Variants in GALK2 observed in about 807,000 individuals in gnomAD.
The protein encoded by GALK2 is N-acetylgalactosamine kinase.
A neutral mutation model predicts 52.4 loss-of-function variants in GALK2; 36 were observed. That is an observed-to-expected ratio of 0.69 (90% CI 0.53 to 0.91). The LOEUF is 0.91. Among genes scored for constraint, GALK2 ranks in the 40% least tolerant of loss-of-function variants. The pLI is 0.00. For missense variants in GALK2, 579 were observed against 559.1 expected, an observed-to-expected ratio of 1.04 and a Z score of -0.36; for synonymous variants, 176 against 199.1, an observed-to-expected ratio of 0.88 and a Z score of 0.98.
In GALK2 at chr15:49,331,030, C is replaced by A. The variant is rs1209776610; in HGVS notation, c.*2871C>A. 6.6e-6 allele frequency: 1 copy of A among 152,162 alleles called. No homozygotes were observed. The highest frequency in any genetic ancestry group is 1.9e-4 in the East Asian group (1 of 5,192). 9.4% of individuals were successfully genotyped at this position (152,162 alleles called of 1,614,324 possible). A position where few individuals can be genotyped will look rare whatever the true frequency, so the allele number is the denominator to read the frequency against. ...GTCCTGTTTGTATATTATACAACAC[C>A]CAGGTGTTTCACTCTTTCTATCACT... On this transcript the variant is annotated 3_prime_UTR_variant, in exon 10 of 10. Transcript: ENST00000560031.
intron 2 of GALK2, among the ~76,000 whole-genome samples, chr15:49,208,989 G>A (rs2088569035): frequency 6.6e-6 from 1 of 152,048 alleles, no homozygotes; most frequent in Non-Finnish European, 1.5e-5. Flanking sequence ...GCTCGCTTTG[G>A]TGTCCATTTG....
At chr15:49,212,217 C>T (rs938019599) in intron 2 of GALK2, among the ~76,000 whole-genome samples, 11 of 152,048 alleles carry the variant, frequency 7.2e-5, no homozygotes, top group South Asian at 2.1e-4. Flanking sequence ...CTCAGCCTCC[C>T]GAGTAGCTGG....
chr15:49,250,673 A>C (rs576654842), intron 5 of GALK2, among the ~76,000 whole-genome samples: 1 of 152,184 alleles, frequency 6.6e-6, no homozygotes, highest in African/African-American at 2.4e-5. Context: ...GTCTGATATA[A>C]TCAGTATCAT....
At chr15:49,350,950 C>G (rs1046467755) in intron 3 of GALK2, among the ~76,000 whole-genome samples, 3 of 152,292 alleles carry the variant, frequency 2.0e-5, no homozygotes, top group African/African-American at 7.2e-5. Flanking sequence ...CCCTTAAAAG[C>G]ACGTTGTTAA....
chr15:49,249,955 G>C (rs2091516886), intron 5 of GALK2, among the ~76,000 whole-genome samples: 1 of 152,112 alleles, frequency 6.6e-6, no homozygotes, highest in Non-Finnish European at 1.5e-5. Context: ...CTTTTAAAAA[G>C]TTCTAAGTTG....
intron 5 of GALK2, among the ~76,000 whole-genome samples, chr15:49,255,423 G>T (rs1453918975): frequency 7.1e-6 from 1 of 141,622 alleles, no homozygotes; most frequent in East Asian, 1.9e-4. Flanking sequence ...CAGTTCCCCA[G>T]CATTTTTTTG....
intron 2 of GALK2, 148 bp from the exon 3 acceptor site, chr15:49,217,042 C>T (rs189185648): frequency 3.2e-5 from 19 of 587,332 alleles, no homozygotes; most frequent in African/African-American, 3.2e-4. Context: ...TGGAAGGGTT[C>T]TATTTGGCCA....
chr15:49,235,432 A>C (rs1289347317), intron 3 of GALK2, among the ~76,000 whole-genome samples: 1 of 151,634 alleles, frequency 6.6e-6, no homozygotes, highest in Non-Finnish European at 1.5e-5. Flanking sequence ...TTTTTTCTTA[A>C]ATTGTGCAGA....
At chr15:49,282,292 C>T (rs541879724) in intron 6 of GALK2, among the ~76,000 whole-genome samples, 9 of 152,306 alleles carry the variant, frequency 5.9e-5, no homozygotes, top group South Asian at 2.1e-4. Context: ...CTTTCTCTTA[C>T]GCTTCCAGAA....
chr15:49,261,844 G>C (rs1416567016), intron 5 of GALK2, among the ~76,000 whole-genome samples: 1 of 151,966 alleles, frequency 6.6e-6, no homozygotes, highest in African/African-American at 2.4e-5. Context: ...TTTTGTCTTT[G>C]GTTCTGTTTA....
chr15:49,298,447 A>G (rs1290619956), intron 8 of GALK2, among the ~76,000 whole-genome samples: 3 of 152,164 alleles, frequency 2.0e-5, no homozygotes, highest in South Asian at 2.1e-4. Flanking sequence ...AGGACCTCCA[A>G]TACTATGTTG....
intron 3 of GALK2, among the ~76,000 whole-genome samples, chr15:49,348,773 G>C: frequency 6.6e-6 from 1 of 152,136 alleles, no homozygotes; most frequent in South Asian, 2.1e-4. Context: ...TTTTCCACCT[G>C]ATTTTATTGA....
intron 1 of GALK2, among the ~76,000 whole-genome samples, chr15:49,190,106 G>A (rs1174747000): frequency 6.6e-6 from 1 of 152,132 alleles, no homozygotes; most frequent in African/African-American, 2.4e-5. Context: ...AGGGAAAATT[G>A]TGAAAAACTT....
At chr15:49,202,289 G>A (rs1403384376) in intron 2 of GALK2, among the ~76,000 whole-genome samples, 2 of 152,176 alleles carry the variant, frequency 1.3e-5, no homozygotes, top group Admixed American at 1.3e-4. Context: ...ACAGGCGTGA[G>A]CCTCCACACC....
At position 49,328,388 on chromosome 15, in the gene GALK2, A is replaced by T; in HGVS notation, c.*229A>T. 7.0e-7 allele frequency: 1 copy of T among 1,426,832 alleles called. No homozygotes were observed. Among genetic ancestry groups the T allele is most frequent in the Non-Finnish European group, 9.1e-7 (1 of 1,093,368 alleles). 88.4% of individuals were successfully genotyped at this position (1,426,832 alleles called of 1,614,324 possible). On this transcript the variant is annotated 3_prime_UTR_variant, in exon 10 of 10. Coordinates refer to ENST00000560031, the MANE Select transcript of GALK2 (RefSeq NM_002044.4). ...TTAAGAGCCAAGATCATGCTTGGAC[A>T]GATCTTTTAAGAATAACTTACTGAG...
chr15:49,329,692 A>G lies in GALK2; in HGVS notation c.*1533A>G. 2.0e-6 allele frequency: 2 copies of G among 976,920 alleles called. No homozygotes were observed. The highest frequency in any genetic ancestry group is 2.4e-6 in the Non-Finnish European group (2 of 822,194). The allele number at this position is 976,920 out of a possible 1,614,324, so 60.5% of individuals were successfully genotyped here. A position where few individuals can be genotyped will look rare whatever the true frequency, so the allele number is the denominator to read the frequency against. ...GAATTTTGAGTTCTATAAATCCAAA[A>G]ATCTGAAACCTGAATTTATTTAAAT... is the stretch of plus-strand genomic sequence containing the variant. On this transcript the variant is annotated 3_prime_UTR_variant, in exon 10 of 10. Transcript: ENST00000560031.
At chr15:49,366,500 A>G (rs548170821) in intron 3 of GALK2, 1 of 1,264,326 alleles carries the variant, frequency 7.9e-7, no homozygotes, top group African/African-American at 1.5e-5. Flanking sequence ...CATCAAACTA[A>G]TGGAAGTTGC....
At chr15:49,323,370 G>T (rs2037061809) in intron 9 of GALK2, among the ~76,000 whole-genome samples, 1 of 152,152 alleles carries the variant, frequency 6.6e-6, no homozygotes, top group African/African-American at 2.4e-5. Context: ...GTGTGACTAA[G>T]ACTGGGCAGC....
intron 4 of GALK2, among the ~76,000 whole-genome samples, chr15:49,238,176 T>G (rs2090926911): frequency 6.6e-6 from 1 of 152,228 alleles, no homozygotes; most frequent in Non-Finnish European, 1.5e-5. Context: ...TTTCATATGT[T>G]AATCTTCAGT....
Sources: gnomAD v4.1 joint callset for allele counts (sites outside exome capture counted in the v4.1 genomes callset) on GRCh38, gnomAD v4.1.1 for gene constraint, MANE v1.5 for transcripts, NCBI Gene and HGNC (gene_info 2026-07-23, HGNC 2026-07-21) for gene names.